Variants in TLE2 observed in about 807,000 individuals in gnomAD.
TLE2 encodes TLE family member 2, transcriptional corepressor, also known as transducin-like enhancer protein 2.
TLE2 carries 74 observed loss-of-function variants against 97.2 expected under a neutral mutation model. That is an observed-to-expected ratio of 0.76 (90% confidence interval 0.63 to 0.92). The LOEUF (loss-of-function observed/expected upper bound fraction) is 0.92, where lower values mean the gene tolerates loss of function less well. Ranked by LOEUF, TLE2 falls within the 40% of genes least tolerant of loss-of-function variation. The pLI is 0.00. For synonymous variants in TLE2, 499 were observed against 432.1 expected, an observed-to-expected ratio of 1.15 and a Z score of -1.92; for missense variants, 1,038 against 1,008.7, an observed-to-expected ratio of 1.03 and a Z score of -0.39.
At chr19:3,041,014 T>TATATATATATA (rs55998855) in intron 1 of TLE2, among the ~76,000 whole-genome samples, 33 of 20,132 alleles carry the variant, frequency 1.6e-3, no homozygotes, top group African/African-American at 2.7e-3. Context: ...TATATATATA[T>TATATATATATA]TTTTTTTTTT....
chr19:3,018,734 C>G (rs947963447), intron 7 of TLE2, among the ~76,000 whole-genome samples: 1 of 152,096 alleles, frequency 6.6e-6, no homozygotes, highest in Admixed American at 6.6e-5. Context: ...CCTGCCTCAG[C>G]CTCCCGAGTA....
intron 11 of TLE2, among the ~76,000 whole-genome samples, chr19:3,011,953 T>G (rs1205590993): frequency 2.0e-5 from 3 of 146,530 alleles, no homozygotes; most frequent in Admixed American, 2.0e-4. Flanking sequence ...CTCTCAAAAC[T>G]AACATGATCA....
intron 5 of TLE2, among the ~76,000 whole-genome samples, chr19:3,022,227 A>C (rs901080907): frequency 5.3e-5 from 8 of 151,982 alleles, no homozygotes; most frequent in Non-Finnish European, 8.8e-5. Flanking sequence ...TTTTGTAAAA[A>C]AAAATTTTTT....
At chr19:2,998,056 A>T (rs370807628) in intron 19 of TLE2, 101 bp from the exon 20 acceptor site, 42 of 760,182 alleles carry the variant, frequency 5.5e-5, no homozygotes, top group East Asian at 3.2e-4. Context: ...GGAGGTCAGG[A>T]CTCGCCTACA....
rs202144655 is a variant in TLE2, at chr19:3,028,810, G to T, written c.25-7C>A. 54 of 1,612,230 alleles carry T rather than the reference G, an allele frequency of 3.3e-5. No individual in the cohort carries two copies. The East Asian group carries it at 5.8e-4, about 17-fold the overall frequency. ...GGCCGGACTGGAGCGGGGTCTGGGG[G>T]GGGTGTGGGGGAAACGTCAGGGTCT... is the stretch of plus-strand genomic sequence containing the variant. On this transcript the variant is annotated splice_region_variant and splice_polypyrimidine_tract_variant and intron_variant, in intron 1 of 19. Coordinates refer to ENST00000262953, the MANE Select transcript of TLE2 (RefSeq NM_003260.5).
chr19:3,010,743 C>A (rs2089577309), intron 12 of TLE2, among the ~76,000 whole-genome samples: 1 of 152,154 alleles, frequency 6.6e-6, no homozygotes, highest in African/African-American at 2.4e-5. Flanking sequence ...GTCTGAAACC[C>A]AAGTCTGTCT....
In TLE2 at chr19:3,019,907, T is replaced by C. The variant is rs2089802562; in HGVS notation, c.295-134A>G. ...ACTTCCCATTTCTCTTTTATCTTTT[T>C]CCCTCTCACTCTCTCCCTTTCCTTT... is the stretch of plus-strand genomic sequence containing the variant. On this transcript the variant is annotated intron_variant, in intron 5 of 19. Coordinates refer to ENST00000262953, the MANE Select transcript of TLE2 (RefSeq NM_003260.5). The surrounding 1 kb of genome is among the most constrained non-coding windows in gnomAD (Gnocchi z 5.1). The C allele has an allele frequency of 8.4e-7, 1 of 1,192,280 alleles. No individual in the cohort carries two copies. Among genetic ancestry groups the C allele is most frequent in the Non-Finnish European group, 1.2e-6 (1 of 862,036 alleles). 73.9% of individuals were successfully genotyped at this position (1,192,280 alleles called of 1,614,324 possible).
intron 8 of TLE2, among the ~76,000 whole-genome samples, chr19:3,016,351 G>A (rs904367128): frequency 4.1e-5 from 6 of 146,912 alleles, no homozygotes; most frequent in East Asian, 2.1e-4. Context: ...CGAGGCGGGC[G>A]GATCACAAGG....
chr19:3,033,986 G>T (rs956860764), upstream of TLE2, among the ~76,000 whole-genome samples: 7 of 151,904 alleles, frequency 4.6e-5, no homozygotes, highest in Admixed American at 2.0e-4. Context: ...TGACCGCCTC[G>T]TGAGGATGGC....
chr19:3,030,986 G>A (rs73919264), upstream of TLE2, among the ~76,000 whole-genome samples: 7,141 of 147,514 alleles, frequency 0.048, 344 homozygotes, highest in African/African-American at 0.12. Context: ...CAAATTTAAA[G>A]CCATCGTTTT....
At chr19:3,000,578 T>C in intron 19 of TLE2, 69 bp downstream of exon 19, 3 of 1,430,342 alleles carry the variant, frequency 2.1e-6, no homozygotes, top group African/African-American at 2.8e-5. Context: ...AGGGGCAATC[T>C]CTCTGTCTGA....
intron 1 of TLE2, among the ~76,000 whole-genome samples, chr19:3,042,290 AG>A (rs1263284417): frequency 6.8e-5 from 2 of 29,552 alleles, no homozygotes; most frequent in Non-Finnish European, 1.4e-4. Flanking sequence ...GCAGGGAGGA[AG>A]GGGGGGCGGT....
At chr19:3,037,979 G>A (rs116227649) in intron 1 of TLE2, among the ~76,000 whole-genome samples, 204 of 152,032 alleles carry the variant, frequency 1.3e-3, no homozygotes, top group African/African-American at 4.6e-3. Flanking sequence ...AAAATTAGTC[G>A]AGCAAGGTGG....
At chr19:2,998,666 G>C (rs1257703591) in intron 19 of TLE2, among the ~76,000 whole-genome samples, 1 of 152,178 alleles carries the variant, frequency 6.6e-6, no homozygotes. Flanking sequence ...CACCGCCTAG[G>C]CCTCCCAAAG....
In TLE2 at chr19:3,006,519, G is replaced by A. The variant is rs1255652938; in HGVS notation, c.1401C>T (p.Gly467=). 6.2e-7 allele frequency: 1 copy of A among 1,607,994 alleles called. No homozygotes were observed. Among genetic ancestry groups the A allele is most frequent in the Non-Finnish European group, 8.5e-7 (1 of 1,178,204 alleles). Residue 467 remains glycine, a synonymous_variant, in exon 15 of 20, where the codon GGC becomes GGT. Coordinates refer to ENST00000262953, the MANE Select transcript of TLE2 (RefSeq NM_003260.5). ...GEVVCAVTIS[G]STQHVYTGGK... is the part of the protein sequence containing the mutation. ...CGCCCGTGTACACATGCTGTGTGGA[G>A]CCGCTGATGGTGACCGCGCAGACCA...
chr19:3,030,654 T>A (rs1413965563), upstream of TLE2, among the ~76,000 whole-genome samples: 1 of 152,062 alleles, frequency 6.6e-6, no homozygotes, highest in Non-Finnish European at 1.5e-5. Context: ...CCAGGGGTGG[T>A]GGGTCATGCC....
Position 3,027,858 on chromosome 19 carries a change from A to G in TLE2, c.202T>C (p.Tyr68His), listed in dbSNP as rs772700163. Residue 68 changes from tyrosine to histidine, a missense_variant, in exon 4 of 20, where the codon TAC (tyrosine) becomes CAC (histidine). By Grantham distance (83) the Tyr-to-His change is moderately conservative. Transcript: ENST00000262953. ...RHYVMYYEMSYGLNIEMHKQA... is the reference protein window; with the variant it reads ...RHYVMYYEMSHGLNIEMHKQA... Reference sequence around the variant, plus strand: ...TTATGCATTTCAATGTTGAGCCCGTACGACATCTCATAATACTGCAAAGGA... The same window carrying G: ...TTATGCATTTCAATGTTGAGCCCGTGCGACATCTCATAATACTGCAAAGGA... The G allele has an allele frequency of 8.7e-6, 14 of 1,611,364 alleles. No homozygotes were observed. Among genetic ancestry groups the G allele is most frequent in the African/African-American group, 2.7e-5 (2 of 74,878 alleles).
chr19:2,997,998 G>A, intron 19 of TLE2, 43 bp from the exon 20 acceptor site: 18 of 1,458,692 alleles, frequency 1.2e-5, no homozygotes, highest in Non-Finnish European at 1.7e-5. Flanking sequence ...GTGAGGCATG[G>A]TCCCCACAGA....
intron 5 of TLE2, among the ~76,000 whole-genome samples, chr19:3,020,949 C>T (rs908221524): frequency 2.6e-5 from 4 of 151,282 alleles, no homozygotes; most frequent in African/African-American, 7.3e-5. Flanking sequence ...ATTAGCCAGA[C>T]GTGGCGGCGG....
Sources: gnomAD v4.1 joint callset for allele counts (sites outside exome capture counted in the v4.1 genomes callset) on GRCh38, gnomAD v4.1.1 for gene constraint, Gnocchi (gnomAD v3.1) non-coding constraint, MANE v1.5 for transcripts, NCBI Gene and HGNC (gene_info 2026-07-23, HGNC 2026-07-21) for gene names.